Variants in ZNF670 observed in about 807,000 individuals in gnomAD.
The protein encoded by ZNF670 is zinc finger protein 670.
A neutral mutation model predicts 10.9 loss-of-function variants in ZNF670; 7 were observed. The observed-to-expected ratio is 0.64, with a 90% confidence interval of 0.36 to 1.20. The LOEUF (loss-of-function observed/expected upper bound fraction) is 1.20, where lower values mean the gene tolerates loss of function less well. ZNF670 is among the 50% of genes most tolerant of loss of function. The pLI, the probability that ZNF670 is intolerant of heterozygous loss-of-function variation, is 0.02. For synonymous variants in ZNF670, 136 were observed against 152.7 expected, an observed-to-expected ratio of 0.89 and a Z score of 0.81; for missense variants, 446 against 458.6, an observed-to-expected ratio of 0.97 and a Z score of 0.25.
chr1:247,056,135 A>G (rs367597935), intron 1 of ZNF670, among the ~76,000 whole-genome samples: 1 of 151,916 alleles, frequency 6.6e-6, no homozygotes, highest in South Asian at 2.1e-4. Flanking sequence ...AAAAAAATCA[A>G]TAATGAAAAC....
intron 1 of ZNF670, among the ~76,000 whole-genome samples, chr1:247,064,164 C>A (rs961993449): frequency 1.3e-5 from 2 of 152,226 alleles, no homozygotes; most frequent in Non-Finnish European, 2.9e-5. Context: ...GGTGTCCCTG[C>A]ATCTTTTCTA....
intron 1 of ZNF670, among the ~76,000 whole-genome samples, chr1:247,051,408 A>G (rs1011352032): frequency 6.6e-6 from 1 of 152,200 alleles, no homozygotes; most frequent in South Asian, 2.1e-4. Context: ...TTCTTGGCTG[A>G]CAATTATTTT....
chr1:247,073,167 G>A (rs897383866), intron 1 of ZNF670, among the ~76,000 whole-genome samples: 6 of 151,988 alleles, frequency 3.9e-5, no homozygotes, highest in Non-Finnish European at 5.9e-5. Flanking sequence ...AATTATCTAC[G>A]ATTTTTTCAG....
Position 247,037,565 on chromosome 1 carries a change from G to A in ZNF670, c.1054C>T (p.Leu352Phe). 2 of 1,614,010 alleles carry A rather than the reference G, an allele frequency of 1.2e-6. No individual in the cohort carries two copies. Among genetic ancestry groups the A allele is most frequent in the Non-Finnish European group, 1.7e-6 (2 of 1,179,976 alleles). Residue 352 changes from leucine (L) to phenylalanine (F), a missense_variant, in exon 4 of 4, where the codon CTT becomes TTT. By Grantham distance (22) the Leu-to-Phe change is conservative (BLOSUM62 0). Transcript: ENST00000366503. Reference protein sequence around the residue: ...CGKSFTSSSALRSHERTHTGE... With the variant: ...CGKSFTSSSAFRSHERTHTGE... The stretch of plus-strand genomic sequence containing the variant: ...GTATGAGTCCTTTCATGGCTTCGAA[G>A]GGCACTGGAAGAAGTAAACGACTTA...
chr1:247,047,866 G>C (rs1238518319), intron 1 of ZNF670, among the ~76,000 whole-genome samples: 1 of 151,830 alleles, frequency 6.6e-6, no homozygotes, highest in Non-Finnish European at 1.5e-5. Flanking sequence ...ACTACAAAAA[G>C]CAGCAAGGCC....
intron 1 of ZNF670, among the ~76,000 whole-genome samples, chr1:247,053,661 C>A (rs6426215): frequency 0.37 from 55,807 of 151,880 alleles, 12,093 homozygotes; most frequent in African/African-American, 0.6. Flanking sequence ...AACAAACAAA[C>A]AAAAATGGCA....
chr1:247,043,655 G>A, intron 1 of ZNF670: 1 of 530,764 alleles, frequency 1.9e-6, no homozygotes, highest in Non-Finnish European at 3.7e-6. Context: ...GCTGCAGTGG[G>A]AGATTATGCT....
intron 2 of ZNF670, 126 bp from the exon 3 acceptor site, chr1:247,038,996 A>G (rs1670236310): frequency 1.8e-6 from 1 of 547,522 alleles, no homozygotes; most frequent in East Asian, 3.1e-5. Flanking sequence ...TCCACATGCC[A>G]AATCAGGAAA....
intron 1 of ZNF670, among the ~76,000 whole-genome samples, chr1:247,053,833 A>G (rs1558341508): frequency 6.6e-6 from 1 of 152,136 alleles, no homozygotes; most frequent in Non-Finnish European, 1.5e-5. Context: ...CCATAGGCAC[A>G]ACAAATTTAA....
intron 1 of ZNF670, among the ~76,000 whole-genome samples, chr1:247,070,585 T>C (rs1300698210): frequency 6.6e-6 from 1 of 152,210 alleles, no homozygotes; most frequent in Non-Finnish European, 1.5e-5. Context: ...AAATATTTCA[T>C]GACAAAGTCT....
intron 1 of ZNF670, among the ~76,000 whole-genome samples, chr1:247,075,586 A>G (rs1671232811): frequency 6.6e-6 from 1 of 152,306 alleles, no homozygotes; most frequent in Non-Finnish European, 1.5e-5. Context: ...GTGATAGCGA[A>G]TACGTTTCAT....
chr1:247,048,930 G>C (rs1401592267), intron 1 of ZNF670, among the ~76,000 whole-genome samples: 1 of 152,038 alleles, frequency 6.6e-6, no homozygotes, highest in Non-Finnish European at 1.5e-5. Context: ...TTATTGGTCT[G>C]TTTAGAGTTT....
rs986698467 is a variant in ZNF670, at chr1:247,039,681, T to C, written c.4-144A>G. The stretch of plus-strand genomic sequence containing the variant: ...CTGGTCATCAGAACTTTACTCTCTG[T>C]CTGCACTTACTGCTGCCCACTCAAC... On this transcript the variant is annotated intron_variant, in intron 1 of 3. Coordinates refer to ENST00000366503, the MANE Select transcript of ZNF670 (RefSeq NM_033213.5). 1.3e-5 allele frequency: 12 copies of C among 910,186 alleles called. No individual in the cohort carries two copies. In the South Asian group the frequency reaches 2.4e-4, roughly 19 times the overall value. 56.4% of individuals were successfully genotyped at this position (910,186 alleles called of 1,614,324 possible).
At position 247,037,314 on chromosome 1, in the gene ZNF670, T is replaced by G; in HGVS notation, c.*135A>C. ...GGAACTAGGAAAATTGCATACATTC[T>G]AATCTTCCTTACATGTGTTGGGTTT... is the stretch of plus-strand genomic sequence containing the variant. On this transcript the variant is annotated 3_prime_UTR_variant, in exon 4 of 4. Transcript: ENST00000366503. 1 of 1,089,908 alleles carries G rather than the reference T, an allele frequency of 9.2e-7. No individual in the cohort carries two copies. The highest frequency in any genetic ancestry group is 2.6e-5 in the East Asian group (1 of 38,188). The allele number at this position is 1,089,908 out of a possible 1,614,324, so 67.5% of individuals were successfully genotyped here.
intron 1 of ZNF670, among the ~76,000 whole-genome samples, chr1:247,062,935 C>T (rs924086760): frequency 6.6e-6 from 1 of 152,078 alleles, no homozygotes; most frequent in Admixed American, 6.6e-5. Flanking sequence ...CCAGACAGTT[C>T]TGAAACCCAG....
chr1:247,043,177 C>T (rs949000190), intron 1 of ZNF670: 12 of 766,594 alleles, frequency 1.6e-5, no homozygotes, highest in East Asian at 6.1e-5. Flanking sequence ...ACATGTTCTA[C>T]GTGCTGGACC....
Position 247,035,948 on chromosome 1 carries a change from A to G in ZNF670, c.*1501T>C, listed in dbSNP as rs911251052. 1.3e-5 allele frequency among the ~76,000 whole-genome samples: 2 copies of G among 152,218 alleles called. No individual in the cohort carries two copies. The highest frequency in any genetic ancestry group is 4.8e-5 in the African/African-American group (2 of 41,462). ...CCTCTAATGAGCATTTCTGTTGAGCATAAGACTGGTGCTCAAACAGTTTTT... is the reference window on the plus strand; with the variant it reads ...CCTCTAATGAGCATTTCTGTTGAGCGTAAGACTGGTGCTCAAACAGTTTTT... On this transcript the variant is annotated 3_prime_UTR_variant, in exon 4 of 4. Coordinates refer to ENST00000366503, the MANE Select transcript of ZNF670 (RefSeq NM_033213.5).
intron 1 of ZNF670, among the ~76,000 whole-genome samples, chr1:247,047,812 T>C (rs1295908190): frequency 6.6e-6 from 1 of 152,176 alleles, no homozygotes; most frequent in Non-Finnish European, 1.5e-5. Flanking sequence ...AGCTGTACAT[T>C]GGTCTCTTTT....
chr1:247,073,112 T>C (rs1227974427), intron 1 of ZNF670, among the ~76,000 whole-genome samples: 1 of 152,096 alleles, frequency 6.6e-6, no homozygotes. Context: ...CCCATGACTT[T>C]AAAGTCTTAT....
Sources: allele counts gnomAD v4.1 joint callset (sites outside exome capture counted in the v4.1 genomes callset), GRCh38; gene constraint gnomAD v4.1.1; transcripts MANE v1.5; gene names NCBI Gene and HGNC (gene_info 2026-07-23, HGNC 2026-07-21).